The following NCOA2 variants were observed in gnomAD, a reference collection of about 807,000 sequenced individuals.
NCOA2 encodes nuclear receptor coactivator 2.
In NCOA2, 21 loss-of-function variants were observed where a neutral mutation model predicts 145.1. The ratio of observed to expected loss-of-function variants is 0.14; its 90% CI spans 0.10 to 0.21. The LOEUF is 0.21. NCOA2 is among the 10% of genes least tolerant of loss of function. NCOA2 has a pLI of 1.00. For missense variants in NCOA2, 1,472 were observed against 1,837.6 expected (o/e 0.80, Z 3.64); for synonymous variants, 619 against 637.5 (o/e 0.97, Z 0.44).
At chr8:70,229,298 C>T (rs143947026) in intron 2 of NCOA2, among the ~76,000 whole-genome samples, 5 of 152,184 alleles carry the variant, frequency 3.3e-5, no homozygotes, top group African/African-American at 1.2e-4. Context: ...AAATGCAAGA[C>T]TTAGGAAGAA....
intron 1 of NCOA2, among the ~76,000 whole-genome samples, chr8:70,329,998 C>T (rs1806941973): frequency 6.6e-6 from 1 of 152,104 alleles, no homozygotes; most frequent in South Asian, 2.1e-4. Flanking sequence ...ATCCTGTTTT[C>T]ATCTGGGTAG....
At chr8:70,216,934 T>TA (rs1002649850) in intron 2 of NCOA2, among the ~76,000 whole-genome samples, 170 bp from the exon 3 acceptor site, 1 of 152,210 alleles carries the variant, frequency 6.6e-6, no homozygotes, top group African/African-American at 2.4e-5. Flanking sequence ...GCCGTCTCTT[T>TA]AAAAAAATCT....
chr8:70,137,065 G>A (rs1404119083), intron 15 of NCOA2, among the ~76,000 whole-genome samples: 3 of 152,180 alleles, frequency 2.0e-5, no homozygotes, highest in Non-Finnish European at 4.4e-5. Context: ...TATCACTGGA[G>A]TTTCGCTCTT....
intron 2 of NCOA2, among the ~76,000 whole-genome samples, chr8:70,294,446 G>A (rs1179055900): frequency 3.3e-5 from 5 of 152,104 alleles, no homozygotes; most frequent in African/African-American, 1.2e-4. Context: ...TGTCCCCCAT[G>A]CCCCTACCCA....
intron 22 of NCOA2, among the ~76,000 whole-genome samples, chr8:70,120,861 CTTAA>C (rs1329677077): frequency 1.3e-5 from 2 of 152,138 alleles, no homozygotes; most frequent in Non-Finnish European, 2.9e-5. Context: ...CTTAAGAAGA[CTTAA>C]TTAAGGGAGT....
rs9643614 is a variant in NCOA2 at position 70,308,504 on chromosome 8, T to G, written c.-76-11704A>C. On this transcript the variant is annotated intron_variant, in intron 1 of 22. Transcript: ENST00000452400. ...ATGTGTGTGTGTGTATAAATATATA[T>G]ATATATAAAACATGTATATACAAAC... Among the ~76,000 whole-genome samples, 32 of 152,072 alleles carry G rather than the reference T, an allele frequency of 2.1e-4. No individual in the cohort carries two copies. The East Asian group carries it at 5.6e-3, about 27-fold the overall frequency.
intron 1 of NCOA2, among the ~76,000 whole-genome samples, chr8:70,305,644 A>C (rs1201097489): frequency 6.6e-6 from 1 of 152,212 alleles, no homozygotes; most frequent in Non-Finnish European, 1.5e-5. Flanking sequence ...GCACCAAATG[A>C]ACAGTATTTT....
chr8:70,174,233 C>T (rs16936790), intron 5 of NCOA2, among the ~76,000 whole-genome samples: 115,576 of 152,106 alleles, frequency 0.76, 44,983 homozygotes, highest in Non-Finnish European at 0.84. Flanking sequence ...AGTTAATAAA[C>T]AACAGGTAGT....
At position 70,121,306 on chromosome 8, in the gene NCOA2, G is replaced by A. The variant is rs775442195; in HGVS notation, c.4379C>T (p.Thr1460Ile). The change falls in exon 22 of 23, where the codon ACA (threonine) becomes ATA (isoleucine). Residue 1460 changes from threonine to isoleucine, a missense_variant. Physicochemically the swap from Thr to Ile is moderately conservative, Grantham distance 89. Around this residue, in one of 4 missense-constraint regions of NCOA2, gnomAD observed 232 missense variants for 290.6 expected, o/e 0.80. Transcript: ENST00000452400. ...MDMIKQEGDT[T>I]RKYC ...TATTTCACTGTTCTTTCTTACCCGT[G>A]TTGTGTCTCCCTCCTGCTTAATCAT... The A allele has an allele frequency of 1.9e-6, 3 of 1,612,020 alleles. No homozygotes were observed. The Admixed American group carries it at 5.0e-5, about 27-fold the overall frequency.
At chr8:70,390,603 G>GA (rs34260654) in intron 1 of NCOA2, among the ~76,000 whole-genome samples, 1,782 of 139,784 alleles carry the variant, frequency 0.013, 11 homozygotes, top group Non-Finnish European at 0.019. Flanking sequence ...TCTCTATAGA[G>GA]AAAAAAAAAA....
At chr8:70,400,791 A>G (rs755526816) in intron 1 of NCOA2, among the ~76,000 whole-genome samples, 7 of 152,204 alleles carry the variant, frequency 4.6e-5, no homozygotes, top group Non-Finnish European at 5.9e-5. Context: ...AACAGAACAC[A>G]TTTGTAAGAT....
At chr8:70,363,960 T>G (rs73288553) in intron 1 of NCOA2, among the ~76,000 whole-genome samples, 5,538 of 151,446 alleles carry the variant, frequency 0.037, 359 homozygotes, top group African/African-American at 0.13. Flanking sequence ...ATTATAAAAC[T>G]GCTATTCCCA....
chr8:70,290,616 TC>T (rs1189030479), intron 2 of NCOA2, among the ~76,000 whole-genome samples: 1 of 152,172 alleles, frequency 6.6e-6, no homozygotes, highest in Non-Finnish European at 1.5e-5. Context: ...TCTGGTTTTC[TC>T]CCATTATACT....
intron 3 of NCOA2, among the ~76,000 whole-genome samples, chr8:70,215,306 A>G (rs1012375538): frequency 6.6e-6 from 1 of 152,170 alleles, no homozygotes; most frequent in Non-Finnish European, 1.5e-5. Flanking sequence ...GTTGTGTTCA[A>G]AAGACCCCTG....
chr8:70,200,318 T>C (rs1276754842), intron 4 of NCOA2, among the ~76,000 whole-genome samples: 1 of 151,976 alleles, frequency 6.6e-6, no homozygotes, highest in African/African-American at 2.4e-5. Flanking sequence ...ATTATTGGAG[T>C]TCAATATTAT....
Position 70,126,843 on chromosome 8 carries a change from C to T in NCOA2, c.3886G>A (p.Ala1296Thr). 1 of 1,613,962 alleles carries T rather than the reference C, an allele frequency of 6.2e-7. No homozygotes were observed. The highest frequency in any genetic ancestry group is 1.1e-5 in the South Asian group (1 of 91,080). Residue 1296 changes from alanine (A) to threonine (T), a missense_variant, in exon 19 of 23, where the codon GCA becomes ACA. Physicochemically the swap from Ala to Thr is moderately conservative, Grantham distance 58. Transcript: ENST00000452400. Reference sequence around the variant, plus strand: ...TTTGGAGGAAATGGAAACTGCTGTGCATTTGCCTGGGGAATCCGAGGGTTG... The same window carrying T: ...TTTGGAGGAAATGGAAACTGCTGTGTATTTGCCTGGGGAATCCGAGGGTTG... ...MSNPRIPQAN[A>T]QQFPFPPNYG...
rs760521140 is a variant in NCOA2 at position 70,118,126 on chromosome 8, C to T, written c.4383+3176G>A. 1.6e-4 allele frequency among the ~76,000 whole-genome samples: 25 copies of T among 152,274 alleles called. No homozygotes were observed. In the Middle Eastern group the frequency reaches 0.01, roughly 62 times the overall value. On this transcript the variant is annotated intron_variant, in intron 22 of 22. Coordinates refer to ENST00000452400, the MANE Select transcript of NCOA2 (RefSeq NM_006540.4). ...CTGGCCTAGGTGGCTAGCATGCAGC[C>T]GCATGATGAAGGGTGAGGCAGGGAG...
At chr8:70,331,614 A>AT (rs926576036) in intron 1 of NCOA2, among the ~76,000 whole-genome samples, 1 of 151,884 alleles carries the variant, frequency 6.6e-6, no homozygotes, top group Non-Finnish European at 1.5e-5. Context: ...TTAGATCTAC[A>AT]TTTTTTTTCT....
At chr8:70,269,875 T>C (rs1011015496) in intron 2 of NCOA2, among the ~76,000 whole-genome samples, 1 of 152,336 alleles carries the variant, frequency 6.6e-6, no homozygotes, top group East Asian at 1.9e-4. Context: ...AAAATACATA[T>C]AACACACATT....
Sources: allele counts gnomAD v4.1 joint callset (sites outside exome capture counted in the v4.1 genomes callset), GRCh38; gene constraint gnomAD v4.1.1; regional missense constraint gnomAD v4.1.1; transcripts MANE v1.5; gene names NCBI Gene and HGNC (gene_info 2026-07-23, HGNC 2026-07-21).